SSUH2: variants seen among roughly 807,000 people sequenced by gnomAD.
The protein encoded by SSUH2 is ssu-2 homolog.
A neutral mutation model predicts 55.3 loss-of-function variants in SSUH2; 47 were observed. That is an observed-to-expected ratio of 0.85 (90% CI 0.67 to 1.08). SSUH2 has a LOEUF of 1.08. SSUH2 is among the 50% of genes least tolerant of loss of function. The pLI, the probability that SSUH2 is intolerant of heterozygous loss-of-function variation, is 0.00. For missense variants in SSUH2, 535 were observed against 490.7 expected, an observed-to-expected ratio of 1.09 and a Z score of -0.85; for synonymous variants, 212 against 191.5, an observed-to-expected ratio of 1.11 and a Z score of -0.89.
Position 8,673,755 on chromosome 3 carries a change from G to C in SSUH2, c.-752-1720C>G, listed in dbSNP as rs929874402. 4.6e-5 allele frequency among the ~76,000 whole-genome samples: 7 copies of C among 152,284 alleles called. No homozygotes were observed. In the East Asian group the frequency reaches 1.2e-3, roughly 25 times the overall value. Reference sequence around the variant, plus strand: ...TGGAAGGACTCAGTTACCAGGAACCGAACACCTGTTGGACCCACGTGAAAG... The same window carrying C: ...TGGAAGGACTCAGTTACCAGGAACCCAACACCTGTTGGACCCACGTGAAAG... On this transcript the variant is annotated intron_variant, in intron 3 of 18. Coordinates refer to the SSUH2 transcript ENST00000317371.
At position 8,635,791 on chromosome 3, in the gene SSUH2, A is replaced by C; in HGVS notation, c.95T>G (p.Leu32Arg). The C allele has an allele frequency of 6.5e-7, 1 of 1,536,008 alleles. No individual in the cohort carries two copies. The highest frequency in any genetic ancestry group is 2.0e-5 in the Admixed American group (1 of 51,006). ...TTGAAGAAGCCAGTCATAGCTGGGC[A>C]GTCTCTCCAGGAGCTCTGTGGGGGG... The part of the protein sequence containing the change: ...LAPPTELLER[L>R]PSYDWLLQGG... The change falls in exon 2 of 12, where the codon CTG (leucine) becomes CGG (arginine). Residue 32 changes from leucine to arginine, a missense_variant. By Grantham distance (102) the Leu-to-Arg change is moderately radical (BLOSUM62 -2). Transcript: ENST00000544814.
At chr3:8,652,199 T>A (rs1349948152) in intron 7 of SSUH2, 1 of 152,286 alleles carries the variant, frequency 6.6e-6, no homozygotes, top group Non-Finnish European at 1.5e-5. Context: ...CCTTCCCTGT[T>A]GAGTCCTTGA....
At chr3:8,634,349 T>C in intron 3 of SSUH2, 2 of 1,268,984 alleles carry the variant, frequency 1.6e-6, no homozygotes, top group South Asian at 1.3e-5. Context: ...TCTGCATGCC[T>C]CCCCCTCCTC....
intron 7 of SSUH2, among the ~76,000 whole-genome samples, chr3:8,657,787 G>C (rs1703079512): frequency 6.6e-6 from 1 of 152,224 alleles, no homozygotes. Flanking sequence ...CAGTTCTGTA[G>C]ACTCCGACAC....
At chr3:8,676,673 C>G (rs1002176084) in intron 3 of SSUH2, among the ~76,000 whole-genome samples, 8 of 151,072 alleles carry the variant, frequency 5.3e-5, no homozygotes, top group Non-Finnish European at 8.8e-5. Flanking sequence ...CATCCTCTCC[C>G]TTTCAGGATA....
At chr3:8,676,347 T>C (rs1357777445) in intron 3 of SSUH2, among the ~76,000 whole-genome samples, 4 of 151,908 alleles carry the variant, frequency 2.6e-5, no homozygotes, top group Non-Finnish European at 4.4e-5. Flanking sequence ...CTCTCCCACG[T>C]TGCAATTAGA....
intron 1 of SSUH2, among the ~76,000 whole-genome samples, chr3:8,638,311 C>T (rs1700253421): frequency 6.6e-6 from 1 of 152,216 alleles, no homozygotes; most frequent in Non-Finnish European, 1.5e-5. Flanking sequence ...CTCTCTACCA[C>T]CTCCCAAACT....
In SSUH2 at chr3:8,664,770, G is replaced by A. The variant is rs146718718; in HGVS notation, c.-454-968C>T. Among the ~76,000 whole-genome samples, 568 of 152,264 alleles carry A rather than the reference G, an allele frequency of 3.7e-3. 3 individuals carry two copies. The highest frequency in any genetic ancestry group is 0.013 in the African/African-American group (537 of 41,538). On this transcript the variant is annotated intron_variant, in intron 5 of 18. Transcript: ENST00000317371. ...CACAATATCTCTCATCTATGGAAAG[G>A]AATCACAATCCTTGCTCCCACTTAA...
At position 8,676,482 on chromosome 3, in the gene SSUH2, T is replaced by C. The variant is rs960835351; in HGVS notation, c.-753+724A>G. ...ACTTTCTGCCATACATGTAGTCATA[T>C]CACCCCCTCTGCCTTGGAATATTAT... On this transcript the variant is annotated intron_variant, in intron 3 of 18. Coordinates refer to the SSUH2 transcript ENST00000317371. Among the ~76,000 whole-genome samples, 64 of 150,872 alleles carry C rather than the reference T, an allele frequency of 4.2e-4. 1 individual carries two copies. Among genetic ancestry groups the C allele is most frequent in the African/African-American group, 1.6e-3 (64 of 41,038 alleles).
At chr3:8,637,157 C>T (rs939613775) in intron 1 of SSUH2, among the ~76,000 whole-genome samples, 1 of 152,194 alleles carries the variant, frequency 6.6e-6, no homozygotes, top group Non-Finnish European at 1.5e-5. Context: ...TGAACCACAG[C>T]TCCCACTCCA....
chr3:8,674,536 C>T (rs1489226538), intron 3 of SSUH2, among the ~76,000 whole-genome samples: 1 of 152,112 alleles, frequency 6.6e-6, no homozygotes, highest in African/African-American at 2.4e-5. Flanking sequence ...CCGGTCACCC[C>T]CTTATCCAAA....
At chr3:8,636,855 A>G (rs994972315) in intron 1 of SSUH2, among the ~76,000 whole-genome samples, 2 of 152,140 alleles carry the variant, frequency 1.3e-5, no homozygotes, top group Non-Finnish European at 2.9e-5. Flanking sequence ...CATTCCACCA[A>G]TGAGGAAACT....
chr3:8,679,279 T>C (rs1423025629), intron 2 of SSUH2, among the ~76,000 whole-genome samples: 4 of 66,550 alleles, frequency 6.0e-5, no homozygotes, highest in Non-Finnish European at 9.7e-5. Context: ...AGGACCCCCA[T>C]CGGAGGGGGG....
intron 3 of SSUH2, among the ~76,000 whole-genome samples, chr3:8,672,665 T>C (rs1341050815): frequency 6.6e-6 from 1 of 151,934 alleles, no homozygotes; most frequent in Non-Finnish European, 1.5e-5. Flanking sequence ...TATCAGAAGG[T>C]GGGTGTACAC....
chr3:8,650,766 G>A (rs950663884), intron 7 of SSUH2, among the ~76,000 whole-genome samples: 3 of 152,182 alleles, frequency 2.0e-5, no homozygotes, highest in African/African-American at 7.2e-5. Flanking sequence ...ACTGACCAGT[G>A]ACAGCTCCTG....
intron 11 of SSUH2, chr3:8,623,325 T>A: frequency 1.9e-6 from 1 of 521,992 alleles, no homozygotes. Context: ...GGAATAAAAA[T>A]GCAAACTTCT....
intron 7 of SSUH2, chr3:8,658,902 A>G (rs1363150340): frequency 6.6e-6 from 1 of 152,232 alleles, no homozygotes; most frequent in African/African-American, 2.4e-5. Context: ...TATTATTAAC[A>G]ATAACATCAA....
upstream of SSUH2, among the ~76,000 whole-genome samples, chr3:8,647,863 G>C (rs1178783788): frequency 6.6e-6 from 1 of 152,226 alleles, no homozygotes; most frequent in Admixed American, 6.5e-5. Context: ...CTGCAGGCTG[G>C]GTGGATGGAG....
rs199777153 is a variant in SSUH2, at chr3:8,619,995, A to C, written c.1001T>G (p.Ile334Ser). The part of the protein sequence containing the change: ...VLQQRQTIEL[I>S]PLTEVHYWYQ... ...CCAATAGTGAACTTCTGTGAGGGGG[A>C]TCAGCTCAATGGTCTGGCGCTGAGG... Residue 334 changes from isoleucine to serine, a missense_variant, in exon 12 of 12, where the codon ATC (isoleucine) becomes AGC (serine). Ile to Ser is a moderately radical substitution (Grantham distance 142). Coordinates refer to ENST00000544814, the MANE Select transcript of SSUH2 (RefSeq NM_001256748.3). The C allele has an allele frequency of 9.3e-6, 15 of 1,614,054 alleles. No homozygotes were observed. The highest frequency in any genetic ancestry group is 1.3e-5 in the Non-Finnish European group (15 of 1,179,968).
Sources: allele counts gnomAD v4.1 joint callset (sites outside exome capture counted in the v4.1 genomes callset), GRCh38; gene constraint gnomAD v4.1.1; transcripts MANE v1.5; gene names NCBI Gene and HGNC (gene_info 2026-07-23, HGNC 2026-07-21).